Variants in HSPA12A observed in about 807,000 individuals in gnomAD.
HSPA12A encodes heat shock 70 kDa protein 12A.
In HSPA12A, 28 loss-of-function variants were observed where a neutral mutation model predicts 69.2. That is an observed-to-expected ratio of 0.40 (90% CI 0.30 to 0.55). The LOEUF (loss-of-function observed/expected upper bound fraction) is 0.55. Among genes scored for constraint, HSPA12A ranks in the 20% least tolerant of loss-of-function variants. The pLI is 0.38. For synonymous variants in HSPA12A, 345 were observed against 370.5 expected, an observed-to-expected ratio of 0.93 and a Z score of 0.79; for missense variants, 686 against 900.7, an observed-to-expected ratio of 0.76 and a Z score of 3.05.
rs2133342841 is a variant in HSPA12A, at chr10:116,671,683, A to C, written c.*3098T>G. ...CCTCCTCTTTCCCCTCCTGTCTGTA[A>C]CTTGTCTGTTACTCAGCATTTATTC... On this transcript the variant is annotated 3_prime_UTR_variant, in exon 12 of 12. Coordinates refer to ENST00000369209, the MANE Select transcript of HSPA12A (RefSeq NM_025015.3). 6.5e-6 allele frequency: 1 copy of C among 152,738 alleles called. No homozygotes were observed. The highest frequency in any genetic ancestry group is 2.1e-4 in the South Asian group (1 of 4,824). The allele number at this position is 152,738 out of a possible 1,614,324, so 9.5% of individuals were successfully genotyped here. A position where few individuals can be genotyped will look rare whatever the true frequency, so the allele number is the denominator to read the frequency against.
intron 2 of HSPA12A, among the ~76,000 whole-genome samples, chr10:116,820,885 C>A (rs890228097): frequency 6.6e-6 from 1 of 152,152 alleles, no homozygotes; most frequent in African/African-American, 2.4e-5. Flanking sequence ...TCCTCCTCCT[C>A]CAGTTGCTGG....
At chr10:116,676,247 G>A in intron 11 of HSPA12A, 152 bp downstream of exon 11, 1 of 638,604 alleles carries the variant, frequency 1.6e-6, no homozygotes, top group East Asian at 2.6e-5. Flanking sequence ...TCCCATACAT[G>A]CCCAAGCCCT....
At chr10:116,806,579 A>AG (rs66626391) in intron 2 of HSPA12A, among the ~76,000 whole-genome samples, 1 of 1,498 alleles carries the variant, frequency 6.7e-4, no homozygotes, top group Non-Finnish European at 0.038. Context: ...TGTTTGCCAC[A>AG]GGCCATGATA....
intron 1 of HSPA12A, among the ~76,000 whole-genome samples, chr10:116,841,602 GTACA>G (rs1358350974): frequency 1.3e-5 from 2 of 152,054 alleles, no homozygotes; most frequent in Non-Finnish European, 2.9e-5. Context: ...AATTGTGGAA[GTACA>G]TACAGCTTCA....
chr10:116,779,509 G>A (rs549537174), intron 2 of HSPA12A, among the ~76,000 whole-genome samples: 5 of 152,260 alleles, frequency 3.3e-5, no homozygotes, highest in Admixed American at 6.5e-5. Context: ...GAGACATGAG[G>A]GCAGTGACAC....
rs782318508 is a variant in HSPA12A, at chr10:116,675,320, C to T, written c.1489G>A (p.Ala497Thr). 2 of 1,613,158 alleles carry T rather than the reference C, an allele frequency of 1.2e-6. No homozygotes were observed. Among genetic ancestry groups the T allele is most frequent in the Non-Finnish European group, 1.7e-6 (2 of 1,180,002 alleles). Residue 497 changes from alanine to threonine, a missense_variant, in exon 12 of 12, where the codon GCT (alanine) becomes ACT (threonine). By Grantham distance (58) the Ala-to-Thr change is moderately conservative (BLOSUM62 0). Transcript: ENST00000369209. The surrounding 1 kb of genome is among the most constrained non-coding windows in gnomAD (Gnocchi z 5.2). The stretch of plus-strand genomic sequence containing the variant: ...ATGATCCGGCACTGGTCCCCAAAAG[C>T]AGCCTGCACCGCCTGCTGCAGCAGG... ...APLLQQAVQA[A>T]FGDQCRIIIP...
chr10:116,785,742 C>A (rs1302535479), intron 2 of HSPA12A, among the ~76,000 whole-genome samples: 1 of 152,160 alleles, frequency 6.6e-6, no homozygotes, highest in Non-Finnish European at 1.5e-5. Flanking sequence ...CTGCTGTCAC[C>A]CCCTCCCTCC....
At chr10:116,701,918 C>T (rs2132968488) in intron 3 of HSPA12A, among the ~76,000 whole-genome samples, 1 of 152,230 alleles carries the variant, frequency 6.6e-6, no homozygotes, top group Non-Finnish European at 1.5e-5. Context: ...ATCAGAGCTG[C>T]TGTTCATAAG....
chr10:116,813,343 T>C (rs1845233018), intron 2 of HSPA12A, among the ~76,000 whole-genome samples: 2 of 146,218 alleles, frequency 1.4e-5, no homozygotes, highest in African/African-American at 5.1e-5. Context: ...CCTCCCGGGT[T>C]CATGCCATTC....
intron 8 of HSPA12A, 106 bp from the exon 9 acceptor site, chr10:116,681,362 C>T (rs1321779625): frequency 1.4e-5 from 11 of 808,838 alleles, no homozygotes; most frequent in Non-Finnish European, 2.1e-5. Flanking sequence ...CTCAAAACTT[C>T]TCATTAGCAC....
chr10:116,848,363 T>G (rs1431882203), intron 1 of HSPA12A, among the ~76,000 whole-genome samples: 4 of 152,246 alleles, frequency 2.6e-5, no homozygotes, highest in Non-Finnish European at 5.9e-5. Context: ...AGCATCACAT[T>G]TTTATGCATC....
upstream of HSPA12A, among the ~76,000 whole-genome samples, chr10:116,850,632 C>CA (rs1564841650): frequency 6.6e-6 from 1 of 151,900 alleles, no homozygotes; most frequent in Non-Finnish European, 1.5e-5. Context: ...TGTCAGGGTG[C>CA]AAAACCACGT....
chr10:116,697,446 G>C (rs1849941753), intron 5 of HSPA12A, among the ~76,000 whole-genome samples: 1 of 150,580 alleles, frequency 6.6e-6, no homozygotes. Flanking sequence ...GGGTCTGGGG[G>C]GATAGAGGAG....
upstream of HSPA12A, among the ~76,000 whole-genome samples, chr10:116,745,550 G>A (rs1851630183): frequency 6.6e-6 from 1 of 152,212 alleles, no homozygotes; most frequent in African/African-American, 2.4e-5. Context: ...GGATACTCAA[G>A]TCCTAAAAAG....
intron 1 of HSPA12A, chr10:116,849,372 G>C: frequency 1.6e-6 from 1 of 645,056 alleles, no homozygotes; most frequent in Non-Finnish European, 2.3e-6. Context: ...TAATGCCGCA[G>C]GGAGAAAAGA....
intron 1 of HSPA12A, among the ~76,000 whole-genome samples, chr10:116,727,122 A>T (rs1554885134): frequency 6.6e-6 from 1 of 152,228 alleles, no homozygotes; most frequent in Non-Finnish European, 1.5e-5. Context: ...GAAAAATAGG[A>T]CTATATCAGT....
chr10:116,725,469 G>A (rs1477817507), intron 1 of HSPA12A, among the ~76,000 whole-genome samples: 8 of 152,184 alleles, frequency 5.3e-5, no homozygotes, highest in South Asian at 2.1e-4. Context: ...GGAGGACTGC[G>A]TGGCCCCCAA....
intron 2 of HSPA12A, among the ~76,000 whole-genome samples, chr10:116,752,402 AT>A (rs1851794872): frequency 6.6e-6 from 1 of 152,094 alleles, no homozygotes; most frequent in Non-Finnish European, 1.5e-5. Flanking sequence ...TCCTCCCCTC[AT>A]TTATTCTCAT....
intron 2 of HSPA12A, chr10:116,832,738 A>G (rs1845642351): frequency 6.6e-6 from 1 of 152,252 alleles, no homozygotes; most frequent in Non-Finnish European, 1.5e-5. Context: ...CTTGGCACGC[A>G]GAACAGCGCA....
Sources: allele counts gnomAD v4.1 joint callset (sites outside exome capture counted in the v4.1 genomes callset), GRCh38; gene constraint gnomAD v4.1.1; non-coding constraint Gnocchi (gnomAD v3.1); transcripts MANE v1.5; gene names NCBI Gene and HGNC (gene_info 2026-07-23, HGNC 2026-07-21).